ZNF592: variants seen among roughly 807,000 people sequenced by gnomAD.
The protein encoded by ZNF592 is spinocerebellar ataxia, autosomal recessive 5.
ZNF592 carries 11 observed loss-of-function variants against 80.3 expected under a neutral mutation model. The observed-to-expected ratio is 0.14, with a 90% CI of 0.09 to 0.23. The LOEUF is 0.23. Among genes scored for constraint, ZNF592 ranks in the 10% least tolerant of loss-of-function variants. The probability of loss-of-function intolerance (pLI) is 1.00; values close to 1 mark genes in which losing one functional copy is unlikely to be tolerated. For synonymous variants in ZNF592, 646 were observed against 640.3 expected (o/e 1.01, Z -0.13); for missense variants, 1,420 against 1,633.9 (o/e 0.87, Z 2.26).
At chr15:84,786,930 A>T (rs1290541806) in intron 4 of ZNF592, among the ~76,000 whole-genome samples, 2 of 140,808 alleles carry the variant, frequency 1.4e-5, no homozygotes, top group Non-Finnish European at 3.0e-5. Flanking sequence ...GGCCCACTGC[A>T]GCCTCTGCCT....
rs372027869 is a variant in ZNF592, at chr15:84,778,906, C to T, written c.-20+594C>T. ...TGATGATTGAATTTCTTTTCCTGGC[C>T]CATGAACCAAAATGATACGGCTCTG... On this transcript the variant is annotated intron_variant, in intron 3 of 10. Transcript: ENST00000560079. Among the ~76,000 whole-genome samples the T allele has an allele frequency of 2.0e-3, 298 of 152,232 alleles. 3 individuals carry two copies. The highest frequency in any genetic ancestry group is 6.7e-3 in the African/African-American group (279 of 41,532).
chr15:84,751,415 C>T (rs1899009770), intron 1 of ZNF592, among the ~76,000 whole-genome samples: 1 of 152,206 alleles, frequency 6.6e-6, no homozygotes, highest in South Asian at 2.1e-4. Context: ...TTGCATTTTG[C>T]TCCTGTCACT....
chr15:84,799,782 T>C lies in ZNF592; in HGVS notation c.3138-60T>C. 1 of 1,609,098 alleles carries C rather than the reference T, an allele frequency of 6.2e-7. No homozygotes were observed. The highest frequency in any genetic ancestry group is 8.5e-7 in the Non-Finnish European group (1 of 1,179,664). On this transcript the variant is annotated intron_variant, in intron 9 of 10. Transcript: ENST00000560079. This position sits in a 1 kb window ranked among gnomAD's most constrained non-coding sequence, Gnocchi z 4.2. Reference sequence around the variant, plus strand: ...CCCTCCTTCCTGGCCTTGGTGTGAATAGCACTGAGGGAGCCTGCGGCCCGG... The same window carrying C: ...CCCTCCTTCCTGGCCTTGGTGTGAACAGCACTGAGGGAGCCTGCGGCCCGG...
intron 4 of ZNF592, among the ~76,000 whole-genome samples, chr15:84,788,389 G>A (rs1199304697): frequency 1.3e-5 from 2 of 152,046 alleles, no homozygotes; most frequent in African/African-American, 4.8e-5. Context: ...CTAGAATTCT[G>A]TATAAAGTAT....
At position 84,798,783 on chromosome 15, in the gene ZNF592, C is replaced by A; in HGVS notation, c.2932C>A (p.Leu978Met). The change falls in exon 8 of 11, where the codon CTG becomes ATG. Residue 978 changes from leucine (L) to methionine (M), a missense_variant. This residue lies in a region of ZNF592 where 331 missense variants were observed against 347.0 expected (regional missense o/e 0.95). Transcript: ENST00000560079. This position sits in a 1 kb window ranked among gnomAD's most constrained non-coding sequence, Gnocchi z 4.5. ...AHRRVEARPR[L>M]RNTGWTCQEC... ...CCGCAGGGTGGAAGCCAGGCCGCGG[C>A]TGAGGAACACTGGCTGGACCTGCCA... 6.2e-7 allele frequency: 1 copy of A among 1,603,416 alleles called. No homozygotes were observed. The highest frequency in any genetic ancestry group is 8.5e-7 in the Non-Finnish European group (1 of 1,179,640).
rs199774671 is a variant in ZNF592 at position 84,757,114 on chromosome 15, T to TA, written c.-258-7582dup. Among the ~76,000 whole-genome samples, 844 of 148,044 alleles carry TA rather than the reference T, an allele frequency of 5.7e-3. 11 individuals are homozygous for TA. The highest frequency in any genetic ancestry group is 0.049 in the East Asian group (251 of 5,092). On this transcript the variant is annotated intron_variant, in intron 1 of 10. Transcript: ENST00000560079. The stretch of plus-strand genomic sequence containing the variant: ...GGTGACAGAGTGAGACTGTCTCAAT[T>TA]AAAAAAAAAAATTATTTTTGTAGTG...
At chr15:84,761,398 C>T (rs1202842500) in intron 1 of ZNF592, among the ~76,000 whole-genome samples, 1 of 152,012 alleles carries the variant, frequency 6.6e-6, no homozygotes, top group East Asian at 1.9e-4. Flanking sequence ...ACCAGGGGGT[C>T]GGCAGACATG....
chr15:84,783,544 C>T lies in ZNF592; in HGVS notation c.869C>T (p.Ala290Val), dbSNP rs200139645. The change falls in exon 4 of 11, where the codon GCC (alanine) becomes GTC (valine). Residue 290 changes from alanine to valine, a missense_variant. This residue lies in a region of ZNF592 where 373 missense variants were observed against 355.5 expected (regional missense o/e 1.05). Transcript: ENST00000560079. The surrounding 1 kb of genome is among the most constrained non-coding windows in gnomAD (Gnocchi z 5.0). Reference protein sequence around the residue: ...KLSSCVAALVALQAKRVASVT... With the variant: ...KLSSCVAALVVLQAKRVASVT... ...TCCTCTTGTGTGGCAGCCTTGGTGG[C>T]CTTGCAGGCCAAAAGAGTGGCTAGT... 1.9e-6 allele frequency: 3 copies of T among 1,614,192 alleles called. No individual in the cohort carries two copies. Among genetic ancestry groups the T allele is most frequent in the East Asian group, 2.2e-5 (1 of 44,880 alleles).
chr15:84,772,061 A>G (rs1596115210), intron 2 of ZNF592, among the ~76,000 whole-genome samples: 1 of 152,212 alleles, frequency 6.6e-6, no homozygotes, highest in East Asian at 1.9e-4. Context: ...GTAACTATTG[A>G]TACCATAGGA....
chr15:84,753,712 A>G (rs1262462175), intron 1 of ZNF592, among the ~76,000 whole-genome samples: 1 of 152,150 alleles, frequency 6.6e-6, no homozygotes, highest in East Asian at 1.9e-4. Context: ...ACCTCAAATG[A>G]TCCGCCTGCC....
At position 84,797,855 on chromosome 15, in the gene ZNF592, C is replaced by T. The variant is rs573936506; in HGVS notation, c.2400-14C>T. 3 of 1,614,202 alleles carry T rather than the reference C, an allele frequency of 1.9e-6. No homozygotes were observed. Among genetic ancestry groups the T allele is most frequent in the Non-Finnish European group, 2.5e-6 (3 of 1,180,024 alleles). On this transcript the variant is annotated splice_polypyrimidine_tract_variant and intron_variant, in intron 5 of 10. Coordinates refer to ENST00000560079, the MANE Select transcript of ZNF592 (RefSeq NM_014630.3). ...ATACTCCACCCACACTCACACTACC[C>T]CACTTCTGTCTAGGTGCATCCACTG...
chr15:84,775,783 C>T (rs1445895290), intron 2 of ZNF592, among the ~76,000 whole-genome samples: 2 of 152,166 alleles, frequency 1.3e-5, no homozygotes, highest in Non-Finnish European at 2.9e-5. Flanking sequence ...ATTCGGCATG[C>T]TGAGGCCCTT....
intron 4 of ZNF592, among the ~76,000 whole-genome samples, chr15:84,788,087 G>A (rs1041488128): frequency 2.6e-4 from 39 of 151,390 alleles, no homozygotes; most frequent in Admixed American, 1.1e-3. Flanking sequence ...TAGACTGGAA[G>A]TAAGCAATAA....
chr15:84,759,052 C>G (rs1899267497), intron 1 of ZNF592, among the ~76,000 whole-genome samples: 1 of 152,130 alleles, frequency 6.6e-6, no homozygotes, highest in African/African-American at 2.4e-5. Flanking sequence ...TGCCCTTTGC[C>G]TTGCTAAAGG....
At chr15:84,750,447 A>G (rs924975639) in intron 1 of ZNF592, among the ~76,000 whole-genome samples, 1 of 152,090 alleles carries the variant, frequency 6.6e-6, no homozygotes, top group African/African-American at 2.4e-5. Context: ...GGAGAAGACA[A>G]TAAATAAAAT....
chr15:84,799,050 A>G lies in ZNF592; in HGVS notation c.3025-48A>G. On this transcript the variant is annotated intron_variant, in intron 8 of 10. Coordinates refer to ENST00000560079, the MANE Select transcript of ZNF592 (RefSeq NM_014630.3). This position sits in a 1 kb window ranked among gnomAD's most constrained non-coding sequence, Gnocchi z 4.2. ...ATCTGAGAAGAAAAATGCACCCAGA[A>G]CTATCTTACAGTTCTGATGCTTTGT... The G allele has an allele frequency of 1.2e-6, 2 of 1,609,786 alleles. No individual in the cohort carries two copies. The highest frequency in any genetic ancestry group is 1.7e-6 in the Non-Finnish European group (2 of 1,176,138).
intron 1 of ZNF592, among the ~76,000 whole-genome samples, chr15:84,756,807 T>G (rs1899185217): frequency 6.6e-6 from 1 of 152,042 alleles, no homozygotes; most frequent in African/African-American, 2.4e-5. Flanking sequence ...GCTCAAACGA[T>G]CCTCCCTTTA....
chr15:84,796,665 G>A (rs768678614), intron 5 of ZNF592, among the ~76,000 whole-genome samples: 6 of 151,314 alleles, frequency 4.0e-5, no homozygotes, highest in Non-Finnish European at 7.4e-5. Flanking sequence ...CTCAATTTCA[G>A]AAAAATGGTT....
intron 1 of ZNF592, among the ~76,000 whole-genome samples, chr15:84,763,649 T>C (rs1306375759): frequency 1.3e-5 from 2 of 152,244 alleles, no homozygotes; most frequent in Non-Finnish European, 2.9e-5. Context: ...ATAATTAGTT[T>C]CTTTCCCTTC....
Sources: allele counts gnomAD v4.1 joint callset (sites outside exome capture counted in the v4.1 genomes callset), GRCh38; gene constraint gnomAD v4.1.1; regional missense constraint gnomAD v4.1.1; non-coding constraint Gnocchi (gnomAD v3.1); transcripts MANE v1.5; gene names NCBI Gene and HGNC (gene_info 2026-07-23, HGNC 2026-07-21).